Variants in GPS1 observed in about 807,000 individuals in gnomAD.
GPS1 encodes the protein G protein pathway suppressor 1.
GPS1 carries 11 observed loss-of-function variants against 60.0 expected under a neutral mutation model. The ratio of observed to expected loss-of-function variants is 0.18; its 90% CI spans 0.12 to 0.30. The LOEUF (loss-of-function observed/expected upper bound fraction) is 0.30, where lower values mean the gene tolerates loss of function less well. Among genes scored for constraint, GPS1 ranks in the 10% least tolerant of loss-of-function variants. GPS1 has a pLI of 1.00. For missense variants in GPS1, 543 were observed against 669.2 expected (o/e 0.81, Z 2.08); for synonymous variants, 343 against 269.8 (o/e 1.27, Z -2.66).
In GPS1 at chr17:82,053,957, G is replaced by A. The variant is rs754605287; in HGVS notation, c.216G>A (p.Val72=). 3.0e-5 allele frequency: 48 copies of A among 1,612,826 alleles called. No individual in the cohort carries two copies. The highest frequency in any genetic ancestry group is 3.7e-5 in the Non-Finnish European group (44 of 1,179,954). ...CTGATCACTGCCCCACGCTGCGGGT[G>A]GAGGCCCTGAAGATGGCCCTCTCCT... ...FIADHCPTLR[V]EALKMALSFV... The change falls in exon 3 of 13, where the codon GTG becomes GTA. Residue 72 remains valine (V), a synonymous_variant. Coordinates refer to ENST00000578552, the MANE Select transcript of GPS1 (RefSeq NM_001321092.3).
intron 3 of GPS1, 71 bp from the exon 4 acceptor site, chr17:82,054,439 A>G: frequency 7.0e-7 from 1 of 1,436,330 alleles, no homozygotes; most frequent in Non-Finnish European, 9.1e-7. Context: ...GCAGCCTGAG[A>G]TTGGCGGCTT....
chr17:82,055,084 C>T (rs896476042), intron 5 of GPS1, 78 bp from the exon 6 acceptor site: 7 of 1,573,560 alleles, frequency 4.4e-6, no homozygotes, highest in Non-Finnish European at 6.1e-6. Context: ...GCCTTCATCC[C>T]CTCTCAGTCT....
rs539651313 is a variant in GPS1, at chr17:82,052,623, C to T, written c.34-651C>T. On this transcript the variant is annotated intron_variant, in intron 1 of 12. Coordinates refer to ENST00000578552, the MANE Select transcript of GPS1 (RefSeq NM_001321092.3). ...GTGGGCCCGGGGCCTGCGGAGGGAG[C>T]CGAGCTCTTGGTGCTTTTCCCGAAG... is the stretch of plus-strand genomic sequence containing the variant. 8.9e-5 allele frequency: 74 copies of T among 829,416 alleles called. 1 individual carries two copies. In the Admixed American group the frequency reaches 2.0e-3, roughly 23 times the overall value. 51.4% of individuals were successfully genotyped at this position (829,416 alleles called of 1,614,324 possible).
upstream of GPS1, chr17:82,051,634 C>T: frequency 9.1e-7 from 1 of 1,098,518 alleles, no homozygotes; most frequent in Non-Finnish European, 1.1e-6. The surrounding 1 kb of genome is among the most constrained non-coding windows in gnomAD (Gnocchi z 4.1). Context: ...GACGGGGGCG[C>T]GCGCGGGGCC....
At position 82,055,822 on chromosome 17, in the gene GPS1, T is replaced by A. The variant is rs147867612; in HGVS notation, c.831T>A (p.Pro277=). ...LLASFDHCDF[P]ELLSPSNVAI... is the part of the protein sequence containing the mutation. ...CTTCCTTTGATCACTGTGACTTCCCTGAGGTGAGGAGCCCTCTGGGGACTT... is the reference window on the plus strand; with the variant it reads ...CTTCCTTTGATCACTGTGACTTCCCAGAGGTGAGGAGCCCTCTGGGGACTT... Residue 277 remains proline (P), a synonymous_variant, in exon 7 of 13, where the codon CCT becomes CCA. Transcript: ENST00000578552. 55 of 1,561,550 alleles carry A rather than the reference T, an allele frequency of 3.5e-5. No homozygotes were observed. The African/African-American group carries it at 5.8e-4, about 17-fold the overall frequency.
At chr17:82,056,799 TG>T (rs1396204109) in intron 11 of GPS1, 33 bp downstream of exon 11, 5 of 1,607,256 alleles carry the variant, frequency 3.1e-6, no homozygotes, top group Non-Finnish European at 4.2e-6. Context: ...TGGGGGCAGC[TG>T]GGGGTGAGCC....
intron 6 of GPS1, 184 bp from the exon 7 acceptor site, chr17:82,055,556 G>C (rs568875999): frequency 2.7e-4 from 164 of 611,464 alleles, no homozygotes; most frequent in Middle Eastern, 1.5e-3. Flanking sequence ...CAGCATTGGT[G>C]GGGCTCTTTC....
intron 2 of GPS1, 200 bp from the exon 3 acceptor site, chr17:82,053,668 G>T: frequency 3.4e-6 from 2 of 595,510 alleles, no homozygotes; most frequent in South Asian, 2.3e-5. Flanking sequence ...CACTCCTGAG[G>T]CTCCTGCGCC....
chr17:82,053,971 T>C lies in GPS1; in HGVS notation c.230T>C (p.Met77Thr), dbSNP rs765058049. ...CPTLRVEALKMALSFVQRTFN... is the reference protein window; with the variant it reads ...CPTLRVEALKTALSFVQRTFN... Reference sequence around the variant, plus strand: ...ACGCTGCGGGTGGAGGCCCTGAAGATGGCCCTCTCCTTCGTGCAGAGAACC... The same window carrying C: ...ACGCTGCGGGTGGAGGCCCTGAAGACGGCCCTCTCCTTCGTGCAGAGAACC... The change falls in exon 3 of 13, where the codon ATG becomes ACG. Residue 77 changes from methionine to threonine, a missense_variant. Met to Thr is a moderately conservative substitution (Grantham distance 81, BLOSUM62 -1). Around this residue, in one of 3 missense-constraint regions of GPS1, gnomAD observed 181 missense variants for 188.8 expected, o/e 0.96. Transcript: ENST00000578552. 6.2e-7 allele frequency: 1 copy of C among 1,612,974 alleles called. No individual in the cohort carries two copies. Among genetic ancestry groups the C allele is most frequent in the South Asian group, 1.1e-5 (1 of 91,064 alleles).
At chr17:82,052,699 C>T in intron 1 of GPS1, 2 of 556,514 alleles carry the variant, frequency 3.6e-6, no homozygotes, top group Non-Finnish European at 3.2e-6. Context: ...GCGGCTTTTC[C>T]AGCCTGCTTT....
At position 82,056,557 on chromosome 17, in the gene GPS1, G is replaced by GT; in HGVS notation, c.1116+8dup. Reference sequence around the variant, plus strand: ...CAACCGTGCCCTCATCCAGGTAAGCGTGGGGGTCAGGCTGGCACACGGCAG... The same window carrying GT: ...CAACCGTGCCCTCATCCAGGTAAGCGTTGGGGGTCAGGCTGGCACACGGCAG... On this transcript the variant is annotated splice_region_variant and intron_variant, in intron 10 of 12. Transcript: ENST00000578552. 6.2e-7 allele frequency: 1 copy of GT among 1,612,754 alleles called. No homozygotes were observed. The highest frequency in any genetic ancestry group is 1.1e-5 in the South Asian group (1 of 91,078).
At chr17:82,051,567 G>C (rs1302731434), upstream of GPS1, 9 of 1,387,652 alleles carry the variant, frequency 6.5e-6, no homozygotes, top group Non-Finnish European at 8.4e-6. The surrounding 1 kb of genome is among the most constrained non-coding windows in gnomAD (Gnocchi z 4.1). Flanking sequence ...GTTCTTCCGG[G>C]TGGTCTTGAC....
chr17:82,056,089 C>T lies in GPS1; in HGVS notation c.923C>T (p.Ser308Phe), dbSNP rs757221185. ...DRQELQRNVI[S>F]SSSFKLFLEL... ...CAGGAGCTGCAGCGCAATGTCATCT[C>T]CAGCAGGTAGGTGCCCCGGTCCTGC... Residue 308 changes from serine (S) to phenylalanine (F), a missense_variant, in exon 8 of 13, where the codon TCC (serine) becomes TTC (phenylalanine). By Grantham distance (155) the Ser-to-Phe change is radical. This residue lies in a region of GPS1 where 291 missense variants were observed against 353.7 expected (regional missense o/e 0.82). Transcript: ENST00000578552. 1 of 1,611,450 alleles carries T rather than the reference C, an allele frequency of 6.2e-7. No homozygotes were observed. Among genetic ancestry groups the T allele is most frequent in the Non-Finnish European group, 8.5e-7 (1 of 1,179,130 alleles).
In GPS1 at chr17:82,056,381, A is replaced by G. The variant is rs750169977; in HGVS notation, c.1025A>G (p.Asp342Gly). 2.5e-6 allele frequency: 4 copies of G among 1,612,136 alleles called. No homozygotes were observed. Among genetic ancestry groups the G allele is most frequent in the Non-Finnish European group, 3.4e-6 (4 of 1,179,570 alleles). The change falls in exon 9 of 13, where the codon GAC becomes GGC. Residue 342 changes from aspartate (D) to glycine (G), a missense_variant. Around this residue, in one of 3 missense-constraint regions of GPS1, gnomAD observed 291 missense variants for 353.7 expected, o/e 0.82. Coordinates refer to ENST00000578552, the MANE Select transcript of GPS1 (RefSeq NM_001321092.3). Reference protein sequence around the residue: ...SKYASCLKMLDEMKDNLLLDM... With the variant: ...SKYASCLKMLGEMKDNLLLDM... ...TACGCCTCATGTCTCAAGATGCTGG[A>G]CGAGATGAAGGTGGGCCCCGCCTGG...
intron 6 of GPS1, 80 bp downstream of exon 6, chr17:82,055,302 C>T (rs965757639): frequency 1.4e-6 from 2 of 1,398,856 alleles, no homozygotes; most frequent in African/African-American, 2.9e-5. Flanking sequence ...TAGGCTGGTC[C>T]CTGCCTCAGC....
At chr17:82,053,245 A>T in intron 1 of GPS1, 29 bp from the exon 2 acceptor site, 1 of 1,513,982 alleles carries the variant, frequency 6.6e-7, no homozygotes, top group Non-Finnish European at 8.8e-7. Context: ...CCCCAGGACG[A>T]GGTGCCAGGT....
At chr17:82,056,232 A>G in intron 8 of GPS1, 54 bp from the exon 9 acceptor site, 2 of 1,406,580 alleles carry the variant, frequency 1.4e-6, no homozygotes, top group East Asian at 2.3e-5. Context: ...CCCACTGGCC[A>G]CTTGGAGGGA....
At chr17:82,052,566 C>A in intron 1 of GPS1, 1 of 1,342,030 alleles carries the variant, frequency 7.5e-7, no homozygotes, top group Non-Finnish European at 1.0e-6. Context: ...GACAGGGACT[C>A]AGTGCCAAGC....
At chr17:82,055,847 TGG>T in intron 7 of GPS1, 22 bp downstream of exon 7, 1 of 1,551,378 alleles carries the variant, frequency 6.4e-7, no homozygotes, top group East Asian at 2.4e-5. Context: ...TCTGGGGACT[TGG>T]GAGGCAGAGC....
Sources: allele counts gnomAD v4.1 joint callset, GRCh38; gene constraint gnomAD v4.1.1; regional missense constraint gnomAD v4.1.1; non-coding constraint Gnocchi (gnomAD v3.1); transcripts MANE v1.5; gene names NCBI Gene and HGNC (gene_info 2026-07-23, HGNC 2026-07-21).